The following SPEN variants were observed in gnomAD, a reference collection of about 807,000 sequenced individuals.
The protein encoded by SPEN is spen family transcriptional repressor, also known as msx2-interacting protein.
SPEN carries 18 observed loss-of-function variants against 269.9 expected under a neutral mutation model. The ratio of observed to expected loss-of-function variants is 0.07; its 90% CI spans 0.05 to 0.10. SPEN has a LOEUF of 0.10. Ranked by LOEUF, SPEN falls within the 10% of genes least tolerant of loss-of-function variation. The pLI is 1.00. For missense variants in SPEN, 3,822 were observed against 4,631.2 expected (o/e 0.83, Z 5.07); for synonymous variants, 1,726 against 1,765.7 (o/e 0.98, Z 0.56).
At chr1:15,868,093 C>T (rs1358765508) in intron 1 of SPEN, among the ~76,000 whole-genome samples, 2 of 151,760 alleles carry the variant, frequency 1.3e-5, no homozygotes, top group Admixed American at 6.6e-5. Context: ...CTTGGTCTCC[C>T]AAAGCGTTGG....
chr1:15,929,441 G>T lies in SPEN; in HGVS notation c.3201G>T (p.Gln1067His), dbSNP rs534593310. The change falls in exon 11 of 15, where the codon CAG becomes CAT. Residue 1067 changes from glutamine to histidine, a missense_variant. Coordinates refer to ENST00000375759, the MANE Select transcript of SPEN (RefSeq NM_015001.3). The surrounding 1 kb of genome is among the most constrained non-coding windows in gnomAD (Gnocchi z 5.8). ...LNTVASPKDC[Q>H]ELASISVGSG... Reference sequence around the variant, plus strand: ...CTGTTGCCAGCCCCAAAGACTGTCAGGAGCTTGCCAGTATTTCTGTTGGGT... The same window carrying T: ...CTGTTGCCAGCCCCAAAGACTGTCATGAGCTTGCCAGTATTTCTGTTGGGT... 6.2e-7 allele frequency: 1 copy of T among 1,613,550 alleles called. No individual in the cohort carries two copies. Among genetic ancestry groups the T allele is most frequent in the Non-Finnish European group, 8.5e-7 (1 of 1,179,786 alleles).
At chr1:15,907,713 G>A (rs1487560585) in intron 3 of SPEN, among the ~76,000 whole-genome samples, 2 of 152,098 alleles carry the variant, frequency 1.3e-5, no homozygotes, top group African/African-American at 4.8e-5. Context: ...ATTTCAGAAA[G>A]ATAGCAAAAT....
At position 15,928,123 on chromosome 1, in the gene SPEN, A is replaced by T. The variant is rs1315529203; in HGVS notation, c.1883A>T (p.Gln628Leu). The T allele has an allele frequency of 6.2e-7, 1 of 1,612,814 alleles. No individual in the cohort carries two copies. The highest frequency in any genetic ancestry group is 8.5e-7 in the Non-Finnish European group (1 of 1,179,142). The change falls in exon 11 of 15, where the codon CAA becomes CTA. Residue 628 changes from glutamine to leucine, a missense_variant. Coordinates refer to ENST00000375759, the MANE Select transcript of SPEN (RefSeq NM_015001.3). The surrounding 1 kb of genome is among the most constrained non-coding windows in gnomAD (Gnocchi z 5.7). ...CGAAGGGCATCCTACGACTATAACCAAGATCGTACATATTATGAGAGTGTT... is the reference window on the plus strand; with the variant it reads ...CGAAGGGCATCCTACGACTATAACCTAGATCGTACATATTATGAGAGTGTT... Reference protein sequence around the residue: ...EERRASYDYNQDRTYYESVRT... With the variant: ...EERRASYDYNLDRTYYESVRT...
Position 15,937,744 on chromosome 1 carries a change from C to G in SPEN, c.10510-68C>G. On this transcript the variant is annotated intron_variant, in intron 12 of 14. Transcript: ENST00000375759. The surrounding 1 kb of genome is among the most constrained non-coding windows in gnomAD (Gnocchi z 5.7). Reference sequence around the variant, plus strand: ...TTAACAGACCCACAAGCTACAGCCTCTGGCTGTGTCCAGCATGGCTCAGCG... The same window carrying G: ...TTAACAGACCCACAAGCTACAGCCTGTGGCTGTGTCCAGCATGGCTCAGCG... 1.2e-6 allele frequency: 2 copies of G among 1,607,964 alleles called. No individual in the cohort carries two copies. The highest frequency in any genetic ancestry group is 1.7e-6 in the Non-Finnish European group (2 of 1,176,360).
rs780575585 is a variant in SPEN at position 15,938,879 on chromosome 1, C to T, written c.10863+3C>T. ...TTCCCAACCCTGGCTCCAATCAGGT[C>T]GGTTGTCCTGTGTCCTTCCTTCACA... On this transcript the variant is annotated splice_donor_region_variant and intron_variant, in intron 14 of 14. Transcript: ENST00000375759. 4.3e-6 allele frequency: 7 copies of T among 1,612,772 alleles called. No individual in the cohort carries two copies. The highest frequency in any genetic ancestry group is 1.1e-5 in the South Asian group (1 of 90,958).
chr1:15,933,338 T>G lies in SPEN; in HGVS notation c.7098T>G (p.Ser2366Arg), dbSNP rs779013835. 1 of 1,613,590 alleles carries G rather than the reference T, an allele frequency of 6.2e-7. No homozygotes were observed. Among genetic ancestry groups the G allele is most frequent in the Non-Finnish European group, 8.5e-7 (1 of 1,179,936 alleles). The part of the protein sequence containing the change: ...VPESNQAQGE[S>R]PAANEGTTVQ... ...AATCCAACCAAGCTCAAGGTGAGAG[T>G]CCTGCTGCAAATGAGGGGACAACAG... Residue 2366 changes from serine (S) to arginine (R), a missense_variant, in exon 11 of 15, where the codon AGT becomes AGG. Ser to Arg is a moderately radical substitution (Grantham distance 110). Transcript: ENST00000375759. This position sits in a 1 kb window ranked among gnomAD's most constrained non-coding sequence, Gnocchi z 5.7.
chr1:15,888,471 A>ATG, intron 3 of SPEN, among the ~76,000 whole-genome samples: 1 of 151,414 alleles, frequency 6.6e-6, no homozygotes, highest in Non-Finnish European at 1.5e-5. Context: ...TTACAGGCAC[A>ATG]CGTCACCACG....
At chr1:15,923,011 T>C (rs919415181) in intron 10 of SPEN, among the ~76,000 whole-genome samples, 1 of 152,188 alleles carries the variant, frequency 6.6e-6, no homozygotes, top group African/African-American at 2.4e-5. Context: ...TTATAAACTT[T>C]TAAATGGCTA....
chr1:15,908,548 G>A (rs556708602), intron 3 of SPEN, among the ~76,000 whole-genome samples: 19 of 151,878 alleles, frequency 1.3e-4, no homozygotes, highest in Non-Finnish European at 2.5e-4. Context: ...TCAGCCTCCC[G>A]AGTGGCTGGG....
intron 1 of SPEN, among the ~76,000 whole-genome samples, chr1:15,853,143 T>G (rs1368523164): frequency 6.6e-6 from 1 of 152,202 alleles, no homozygotes; most frequent in Non-Finnish European, 1.5e-5. Context: ...TGAGCCAGCT[T>G]GCCCAGCCTT....
chr1:15,899,142 A>C (rs947516554), intron 3 of SPEN, among the ~76,000 whole-genome samples: 1 of 152,060 alleles, frequency 6.6e-6, no homozygotes, highest in African/African-American at 2.4e-5. Context: ...CAAGGGTTCC[A>C]ATTTCTTCAC....
intron 2 of SPEN, chr1:15,873,519 G>A (rs554852040): frequency 1.0e-6 from 1 of 998,724 alleles, no homozygotes; most frequent in Non-Finnish European, 1.2e-6. Context: ...GAATATTTCT[G>A]GAATATTAGA....
At chr1:15,873,679 T>C in intron 2 of SPEN, 4 of 999,580 alleles carry the variant, frequency 4.0e-6, no homozygotes, top group Non-Finnish European at 4.8e-6. Flanking sequence ...TGGAAATGTG[T>C]ACTTGGATGA....
intron 1 of SPEN, among the ~76,000 whole-genome samples, chr1:15,872,035 G>A (rs958891296): frequency 4.6e-5 from 7 of 151,624 alleles, no homozygotes; most frequent in African/African-American, 1.2e-4. Flanking sequence ...AGGAGTGCAA[G>A]ACCAGCCTGG....
intron 3 of SPEN, among the ~76,000 whole-genome samples, chr1:15,901,660 A>C (rs1447731460): frequency 1.3e-5 from 2 of 151,266 alleles, no homozygotes; most frequent in African/African-American, 2.4e-5. Context: ...AAAAAAAAAA[A>C]AAAAAAAAAC....
chr1:15,910,710 A>G (rs753693904), intron 4 of SPEN, among the ~76,000 whole-genome samples: 28 of 151,556 alleles, frequency 1.8e-4, no homozygotes, highest in Non-Finnish European at 3.1e-4. Context: ...GTATATATCT[A>G]TAATATATAA....
chr1:15,901,487 A>C (rs1000283303), intron 3 of SPEN, among the ~76,000 whole-genome samples: 2 of 151,078 alleles, frequency 1.3e-5, no homozygotes, highest in Non-Finnish European at 3.0e-5. Flanking sequence ...AAATGCAAAC[A>C]AAAAAAATAG....
chr1:15,875,217 C>G (rs72649628), intron 2 of SPEN, among the ~76,000 whole-genome samples: 2 of 152,026 alleles, frequency 1.3e-5, no homozygotes, highest in African/African-American at 4.8e-5. Flanking sequence ...TGTGTGTAAT[C>G]GTACATGCAA....
At chr1:15,883,121 A>G (rs993628280) in intron 3 of SPEN, among the ~76,000 whole-genome samples, 1 of 152,186 alleles carries the variant, frequency 6.6e-6, no homozygotes, top group Non-Finnish European at 1.5e-5. Context: ...TAAAAAATGT[A>G]TTTCTCACAT....
Sources: allele counts gnomAD v4.1 joint callset (sites outside exome capture counted in the v4.1 genomes callset), GRCh38; gene constraint gnomAD v4.1.1; non-coding constraint Gnocchi (gnomAD v3.1); transcripts MANE v1.5; gene names NCBI Gene and HGNC (gene_info 2026-07-23, HGNC 2026-07-21).